Variants in NR6A1 observed in about 807,000 individuals in gnomAD.
NR6A1 encodes the protein nuclear receptor subfamily 6 group A member 1, also known as retinoic acid receptor-related testis-associated receptor.
In NR6A1, 7 loss-of-function variants were observed where a neutral mutation model predicts 59.1. The ratio of observed to expected loss-of-function variants is 0.12; its 90% CI spans 0.07 to 0.22. The LOEUF (loss-of-function observed/expected upper bound fraction) is 0.22. Among genes scored for constraint, NR6A1 ranks in the 10% least tolerant of loss-of-function variants. The pLI is 1.00. For missense variants in NR6A1, 468 were observed against 611.6 expected, an observed-to-expected ratio of 0.77 and a Z score of 2.48; for synonymous variants, 243 against 236.1, an observed-to-expected ratio of 1.03 and a Z score of -0.27.
rs552533832 is a variant in NR6A1, at chr9:124,691,878, T to C, written c.142+41430A>G. ...CCTGCTATTATTATAGGCAAACAAG[T>C]AGAAGAAATTTACATGTTTGACTTT... On this transcript the variant is annotated intron_variant, in intron 2 of 9. Coordinates refer to ENST00000487099, the MANE Select transcript of NR6A1 (RefSeq NM_033334.4). Among the ~76,000 whole-genome samples, 83 of 152,320 alleles carry C rather than the reference T, an allele frequency of 5.4e-4. 2 individuals are homozygous for C. The South Asian group carries it at 0.017, about 31-fold the overall frequency.
intron 2 of NR6A1, among the ~76,000 whole-genome samples, chr9:124,576,923 G>A (rs993376348): frequency 1.3e-5 from 2 of 152,114 alleles, no homozygotes; most frequent in Non-Finnish European, 2.9e-5. Context: ...AGCCGTGGTG[G>A]TGTATGCCTG....
At chr9:124,692,659 T>G (rs1564240392) in intron 2 of NR6A1, 3 of 276,180 alleles carry the variant, frequency 1.1e-5, no homozygotes, top group Non-Finnish European at 2.4e-5. Flanking sequence ...CCAGTGAATT[T>G]TATTCCTACT....
At chr9:124,762,475 T>C (rs750860266) in intron 1 of NR6A1, among the ~76,000 whole-genome samples, 4 of 152,304 alleles carry the variant, frequency 2.6e-5, no homozygotes, top group Admixed American at 6.5e-5. Context: ...TTTGTTGTTG[T>C]TGAAGCACAG....
chr9:124,613,707 C>A (rs544328912), intron 2 of NR6A1, among the ~76,000 whole-genome samples: 1 of 152,114 alleles, frequency 6.6e-6, no homozygotes, highest in Non-Finnish European at 1.5e-5. Flanking sequence ...AAAAGAAAAG[C>A]TCAAACTTTG....
intron 2 of NR6A1, among the ~76,000 whole-genome samples, chr9:124,672,367 A>G (rs1167449781): frequency 1.3e-5 from 2 of 152,190 alleles, no homozygotes; most frequent in Non-Finnish European, 2.9e-5. Flanking sequence ...CTGTAATCCC[A>G]GCACTTTGGG....
intron 1 of NR6A1, among the ~76,000 whole-genome samples, chr9:124,764,679 T>C (rs1840883065): frequency 6.6e-6 from 1 of 152,264 alleles, no homozygotes; most frequent in Non-Finnish European, 1.5e-5. Flanking sequence ...AGATACATTC[T>C]CTGCTAATAA....
At chr9:124,666,508 G>C (rs905161280) in intron 2 of NR6A1, among the ~76,000 whole-genome samples, 3 of 152,004 alleles carry the variant, frequency 2.0e-5, no homozygotes, top group Non-Finnish European at 2.9e-5. Flanking sequence ...CGAACGCCTG[G>C]GCTCAAGCAA....
chr9:124,622,315 T>C (rs1315260581), intron 2 of NR6A1, among the ~76,000 whole-genome samples: 1 of 152,208 alleles, frequency 6.6e-6, no homozygotes, highest in African/African-American at 2.4e-5. Context: ...GTGTGTAATA[T>C]CCCATGTCCT....
intron 2 of NR6A1, among the ~76,000 whole-genome samples, chr9:124,626,493 T>C (rs1196572832): frequency 6.6e-6 from 1 of 152,176 alleles, no homozygotes; most frequent in Non-Finnish European, 1.5e-5. Flanking sequence ...CACTAAAAAT[T>C]AGGGGCAGAA....
intron 2 of NR6A1, chr9:124,658,632 T>C (rs896600415): frequency 1.2e-4 from 18 of 152,224 alleles, no homozygotes; most frequent in Admixed American, 1.1e-3. Context: ...GCTCGAACTT[T>C]TTTGATTGTC....
intron 2 of NR6A1, among the ~76,000 whole-genome samples, chr9:124,703,396 G>A (rs966939990): frequency 2.8e-5 from 4 of 145,320 alleles, no homozygotes; most frequent in African/African-American, 1.0e-4. Flanking sequence ...TTCTTTTCTT[G>A]TAACAGGCTC....
intron 2 of NR6A1, among the ~76,000 whole-genome samples, chr9:124,647,620 C>A (rs1465067643): frequency 1.3e-5 from 2 of 150,238 alleles, no homozygotes; most frequent in Non-Finnish European, 3.0e-5. Flanking sequence ...CCCAGCTACT[C>A]AGAAGCTGAG....
At chr9:124,630,546 T>C (rs1836401530) in intron 2 of NR6A1, among the ~76,000 whole-genome samples, 2 of 151,670 alleles carry the variant, frequency 1.3e-5, no homozygotes, top group African/African-American at 4.8e-5. Context: ...CCAACTCGGC[T>C]TAAAACCAGT....
chr9:124,582,048 T>C (rs1215037187), intron 2 of NR6A1, among the ~76,000 whole-genome samples: 1 of 152,186 alleles, frequency 6.6e-6, no homozygotes, highest in Non-Finnish European at 1.5e-5. Flanking sequence ...AGAAATACCA[T>C]TCGACCCAGC....
Position 124,605,410 on chromosome 9 carries a change from G to A in NR6A1, c.143-50840C>T, listed in dbSNP as rs140902496. 1.4e-3 allele frequency among the ~76,000 whole-genome samples: 211 copies of A among 152,260 alleles called. 1 individual carries two copies. The highest frequency in any genetic ancestry group is 4.7e-3 in the African/African-American group (196 of 41,552). The stretch of plus-strand genomic sequence containing the variant: ...CTGTAGTCCTAGCTACTTGAGAGGC[G>A]TGAGTATCACTTGAGCCAGGAGTTC... On this transcript the variant is annotated intron_variant, in intron 2 of 9. Coordinates refer to ENST00000487099, the MANE Select transcript of NR6A1 (RefSeq NM_033334.4).
At chr9:124,529,051 C>G (rs546478986) in intron 7 of NR6A1, among the ~76,000 whole-genome samples, 16 of 152,288 alleles carry the variant, frequency 1.1e-4, no homozygotes, top group African/African-American at 3.6e-4. Context: ...GGCATGGCTC[C>G]TAGTATGAGC....
chr9:124,736,091 T>TA (rs1840012802), intron 1 of NR6A1, among the ~76,000 whole-genome samples: 1 of 152,184 alleles, frequency 6.6e-6, no homozygotes, highest in Admixed American at 6.5e-5. Context: ...TCACTTCATG[T>TA]AAATTGACTC....
chr9:124,640,278 C>T (rs940359431), intron 2 of NR6A1, among the ~76,000 whole-genome samples: 4 of 152,138 alleles, frequency 2.6e-5, no homozygotes, highest in South Asian at 4.1e-4. Flanking sequence ...GGAAAGATAA[C>T]CTTAGAACAT....
At chr9:124,715,025 C>G (rs143760262) in intron 2 of NR6A1, among the ~76,000 whole-genome samples, 2 of 152,096 alleles carry the variant, frequency 1.3e-5, no homozygotes, top group East Asian at 3.9e-4. Context: ...TGGTAAAACC[C>G]CATCACTACT....
Sources: gnomAD v4.1 joint callset for allele counts (sites outside exome capture counted in the v4.1 genomes callset) on GRCh38, gnomAD v4.1.1 for gene constraint, MANE v1.5 for transcripts, NCBI Gene and HGNC (gene_info 2026-07-23, HGNC 2026-07-21) for gene names.